Variants in NINJ2 observed in about 807,000 individuals in gnomAD.
NINJ2 encodes the protein ninjurin-2.
Under a neutral mutation model 11.7 loss-of-function variants are expected in NINJ2, and 12 were observed. The ratio of observed to expected loss-of-function variants is 1.02; its 90% CI spans 0.66 to 1.66. The LOEUF (loss-of-function observed/expected upper bound fraction) is 1.66. NINJ2 is among the 40% of genes most tolerant of loss of function. The pLI is 0.00. For synonymous variants in NINJ2, 93 were observed against 76.8 expected (o/e 1.21, Z -1.10); for missense variants, 187 against 181.8 (o/e 1.03, Z -0.16).
At chr12:650,397 C>T (rs1937769053) in intron 1 of NINJ2, among the ~76,000 whole-genome samples, 1 of 152,144 alleles carries the variant, frequency 6.6e-6, no homozygotes. Flanking sequence ...CTGCTCCTGG[C>T]AAGTCATTTT....
At chr12:586,270 C>A (rs1409926311) in intron 1 of NINJ2, 1 of 152,284 alleles carries the variant, frequency 6.6e-6, no homozygotes, top group African/African-American at 2.4e-5. Flanking sequence ...GAGATAAGAA[C>A]TTGGGATTTC....
chr12:663,445 T>G lies in NINJ2; in HGVS notation c.-85A>C. 6.2e-7 allele frequency: 1 copy of G among 1,613,784 alleles called. No individual in the cohort carries two copies. The highest frequency in any genetic ancestry group is 8.5e-7 in the Non-Finnish European group (1 of 1,179,808). On this transcript the variant is annotated 5_prime_UTR_variant, in exon 1 of 4. Transcript: ENST00000305108. ...CTCCAGGCTCCGCCGTCTGAGTCTC[T>G]GCTGCTTTCTTCGGGTGGGAGAGAG...
At chr12:657,312 G>A (rs140812456) in intron 1 of NINJ2, among the ~76,000 whole-genome samples, 3 of 152,208 alleles carry the variant, frequency 2.0e-5, no homozygotes, top group African/African-American at 7.2e-5. Flanking sequence ...AAATAAGGCC[G>A]GGCGCAGTGG....
chr12:626,549 C>CT (rs935345584), intron 1 of NINJ2, among the ~76,000 whole-genome samples: 3 of 152,140 alleles, frequency 2.0e-5, no homozygotes, highest in African/African-American at 7.2e-5. Context: ...CACTAAGTGC[C>CT]ACAGGGCCCT....
rs1157533480 is a variant in NINJ2 at position 614,422 on chromosome 12, A to G, written c.34-48244T>C. Reference sequence around the variant, plus strand: ...AATGTTTGGAGATGGAATCTAGATGATCATCTGTGCGTGAGCTTCATGCCC... The same window carrying G: ...AATGTTTGGAGATGGAATCTAGATGGTCATCTGTGCGTGAGCTTCATGCCC... On this transcript the variant is annotated intron_variant, in intron 1 of 3. Transcript: ENST00000305108. The surrounding 1 kb of genome is among the most constrained non-coding windows in gnomAD (Gnocchi z 5.1). Among the ~76,000 whole-genome samples the G allele has an allele frequency of 6.6e-6, 1 of 151,310 alleles. No homozygotes were observed. Among genetic ancestry groups the G allele is most frequent in the Non-Finnish European group, 1.5e-5 (1 of 67,922 alleles).
intron 1 of NINJ2, among the ~76,000 whole-genome samples, chr12:608,240 A>G (rs977935117): frequency 2.6e-5 from 4 of 152,146 alleles, no homozygotes; most frequent in Non-Finnish European, 5.9e-5. Context: ...ATCTTTAGGA[A>G]TCTTATCCTA....
chr12:643,614 C>G (rs1592116008), intron 1 of NINJ2: 1 of 987,950 alleles, frequency 1.0e-6, no homozygotes, highest in Admixed American at 6.1e-5. Flanking sequence ...CGTTGTACGG[C>G]CACCGAGCGG....
intron 1 of NINJ2, among the ~76,000 whole-genome samples, chr12:596,494 A>G (rs1032369309): frequency 2.0e-5 from 3 of 152,172 alleles, no homozygotes; most frequent in African/African-American, 7.2e-5. Context: ...GAGTTTCTGT[A>G]CCTTCCTCCC....
chr12:619,533 A>G (rs1303495270), intron 1 of NINJ2, among the ~76,000 whole-genome samples: 2 of 152,172 alleles, frequency 1.3e-5, no homozygotes, highest in African/African-American at 4.8e-5. Flanking sequence ...GCTGTGAGCT[A>G]GAATTAGAAT....
At chr12:659,234 C>A (rs1937924350) in intron 1 of NINJ2, among the ~76,000 whole-genome samples, 1 of 152,038 alleles carries the variant, frequency 6.6e-6, no homozygotes, top group Non-Finnish European at 1.5e-5. Context: ...CTGAGCTATA[C>A]TGAATTTGCA....
At chr12:645,429 T>C (rs555821862) in intron 1 of NINJ2, 5 of 152,202 alleles carry the variant, frequency 3.3e-5, no homozygotes, top group Non-Finnish European at 7.3e-5. Flanking sequence ...TTTATGTGCC[T>C]TTGTTCTGAA....
rs11063767 is a variant in NINJ2, at chr12:591,362, T to C, written c.34-25184A>G. 12,784 of 152,194 alleles carry C rather than the reference T, an allele frequency of 0.084. 679 individuals are homozygous for C. Among genetic ancestry groups the C allele is most frequent in the African/African-American group, 0.15 (6,421 of 41,470 alleles). 9.4% of individuals were successfully genotyped at this position (152,194 alleles called of 1,614,324 possible). On this transcript the variant is annotated intron_variant, in intron 1 of 3. Coordinates refer to ENST00000305108, the MANE Select transcript of NINJ2 (RefSeq NM_016533.6). The surrounding 1 kb of genome is among the most constrained non-coding windows in gnomAD (Gnocchi z 5.0). ...CACCTCCTGCTTGCTGAGAGCACTT[T>C]GGTGGGCAGAAATAGCCCTGTCACT...
chr12:629,896 AATAT>A (rs1160871577), intron 1 of NINJ2, among the ~76,000 whole-genome samples: 11 of 9,900 alleles, frequency 1.1e-3, no homozygotes, highest in Non-Finnish European at 1.4e-3. Flanking sequence ...AAAAAAAAAA[AATAT>A]ATATATATAT....
chr12:628,064 G>A lies in NINJ2; in HGVS notation c.33+35264C>T, dbSNP rs10849359. Among the ~76,000 whole-genome samples, 27,611 of 152,166 alleles carry A rather than the reference G, an allele frequency of 0.18. 2,633 individuals carry two copies. The highest frequency in any genetic ancestry group is 0.33 in the Middle Eastern group (98 of 294). On this transcript the variant is annotated intron_variant, in intron 1 of 3. Transcript: ENST00000305108. This position sits in a 1 kb window ranked among gnomAD's most constrained non-coding sequence, Gnocchi z 4.4. The stretch of plus-strand genomic sequence containing the variant: ...TGTGCCAGACAGAAGGCCTGGGAGT[G>A]AAAAGACTGGCCATGGGGACAGAGA...
At chr12:606,129 C>T (rs896979878) in intron 1 of NINJ2, among the ~76,000 whole-genome samples, 5 of 152,142 alleles carry the variant, frequency 3.3e-5, no homozygotes, top group Non-Finnish European at 7.4e-5. Flanking sequence ...GCCTCAGCCT[C>T]CCAAAGTGCT....
intron 1 of NINJ2, among the ~76,000 whole-genome samples, chr12:572,211 G>A (rs548040177): frequency 9.2e-5 from 14 of 152,350 alleles, no homozygotes; most frequent in African/African-American, 3.4e-4. Context: ...CCCGGGGGCT[G>A]AGGACATCGC....
chr12:610,297 G>C (rs1948010992), intron 1 of NINJ2: 5 of 1,484,534 alleles, frequency 3.4e-6, no homozygotes, highest in Non-Finnish European at 4.5e-6. Flanking sequence ...CCAGTGCCCA[G>C]CACCCAGTGC....
At chr12:572,805 A>G (rs1947395739) in intron 1 of NINJ2, among the ~76,000 whole-genome samples, 1 of 151,818 alleles carries the variant, frequency 6.6e-6, no homozygotes, top group Non-Finnish European at 1.5e-5. Context: ...AAGATCACAC[A>G]GCACAGAGTT....
chr12:595,589 A>C (rs945545809), intron 1 of NINJ2, among the ~76,000 whole-genome samples: 1 of 152,168 alleles, frequency 6.6e-6, no homozygotes, highest in South Asian at 2.1e-4. Flanking sequence ...AGTCTGGCCA[A>C]CTAAAAATAC....
Sources: gnomAD v4.1 joint callset for allele counts (sites outside exome capture counted in the v4.1 genomes callset) on GRCh38, gnomAD v4.1.1 for gene constraint, Gnocchi (gnomAD v3.1) non-coding constraint, MANE v1.5 for transcripts, NCBI Gene and HGNC (gene_info 2026-07-23, HGNC 2026-07-21) for gene names.